Variants in FARP2 observed in about 807,000 individuals in gnomAD.
The protein encoded by FARP2 is FERM, ARH/RhoGEF and pleckstrin domain protein 2.
A neutral mutation model predicts 130.5 loss-of-function variants in FARP2; 111 were observed. That is an observed-to-expected ratio of 0.85 (90% confidence interval 0.73 to 1.00). The LOEUF (loss-of-function observed/expected upper bound fraction) is 1.00, where lower values mean the gene tolerates loss of function less well. Among genes scored for constraint, FARP2 ranks in the 50% least tolerant of loss-of-function variants. The probability of loss-of-function intolerance (pLI) is 0.00; values close to 1 mark genes in which losing one functional copy is unlikely to be tolerated. For missense variants in FARP2, 1,385 were observed against 1,346.3 expected (o/e 1.03, Z -0.45); for synonymous variants, 504 against 516.9 (o/e 0.98, Z 0.34).
intron 7 of FARP2, among the ~76,000 whole-genome samples, chr2:241,416,863 T>G (rs1056300194): frequency 2.0e-5 from 3 of 151,976 alleles, no homozygotes; most frequent in Admixed American, 1.3e-4. Context: ...GAGCCAAGAT[T>G]ATGCCACTAC....
At chr2:241,371,976 C>T (rs1388919436) in intron 1 of FARP2, among the ~76,000 whole-genome samples, 2 of 151,844 alleles carry the variant, frequency 1.3e-5, no homozygotes, top group Admixed American at 6.6e-5. Flanking sequence ...TTGTGTGTCC[C>T]GTGCCATCAT....
At chr2:241,365,764 TAC>T (rs2061289549) in intron 1 of FARP2, among the ~76,000 whole-genome samples, 1 of 152,178 alleles carries the variant, frequency 6.6e-6, no homozygotes, top group Non-Finnish European at 1.5e-5. Flanking sequence ...TGTCTTGATT[TAC>T]AGTTAAGACC....
intron 8 of FARP2, among the ~76,000 whole-genome samples, chr2:241,430,623 C>T (rs1203007474): frequency 6.6e-6 from 1 of 152,148 alleles, no homozygotes; most frequent in Non-Finnish European, 1.5e-5. Flanking sequence ...TATCACTGCC[C>T]CTTCCAGACC....
intron 14 of FARP2, among the ~76,000 whole-genome samples, chr2:241,457,335 A>G (rs2063877389): frequency 6.6e-6 from 1 of 151,554 alleles, no homozygotes; most frequent in Non-Finnish European, 1.5e-5. Context: ...CTACTTTGAC[A>G]ATTGAGTAAC....
chr2:241,493,750 C>A (rs1465268623), intron 26 of FARP2: 2 of 469,004 alleles, frequency 4.3e-6, no homozygotes, highest in African/African-American at 2.0e-5. Context: ...ATGCACGCCA[C>A]GCCGCCTGGC....
intron 3 of FARP2, among the ~76,000 whole-genome samples, chr2:241,404,444 CA>C (rs2062278382): frequency 6.6e-6 from 1 of 152,150 alleles, no homozygotes; most frequent in African/African-American, 2.4e-5. Context: ...CTCTTTTTTG[CA>C]GAAGCCCGCT....
intron 12 of FARP2, among the ~76,000 whole-genome samples, chr2:241,436,860 C>T (rs1348156895): frequency 6.6e-6 from 1 of 152,106 alleles, no homozygotes; most frequent in Non-Finnish European, 1.5e-5. Context: ...TGGTGGCGCA[C>T]GGGTAGTCTC....
At chr2:241,466,310 G>A in intron 17 of FARP2, 7 of 985,420 alleles carry the variant, frequency 7.1e-6, no homozygotes, top group Non-Finnish European at 8.4e-6. Flanking sequence ...TGGAAAGAGG[G>A]GCCCTTGGCC....
At chr2:241,463,527 T>G in intron 16 of FARP2, 59 bp downstream of exon 16, 1 of 1,560,196 alleles carries the variant, frequency 6.4e-7, no homozygotes, top group African/African-American at 1.4e-5. Context: ...ATCACCGCTC[T>G]TAGGAACTTC....
At chr2:241,404,147 C>A (rs2062269678) in intron 3 of FARP2, among the ~76,000 whole-genome samples, 3 of 152,206 alleles carry the variant, frequency 2.0e-5, no homozygotes, top group African/African-American at 7.2e-5. Context: ...GCTGAGGAAA[C>A]TCTCTTAAAA....
chr2:241,442,332 C>G (rs765453232), intron 13 of FARP2: 1 of 456,728 alleles, frequency 2.2e-6, no homozygotes, highest in Admixed American at 2.3e-5. Context: ...TAGAGCAGCT[C>G]AGCTACCCAC....
At chr2:241,457,453 G>A (rs1012407168) in intron 14 of FARP2, among the ~76,000 whole-genome samples, 1 of 130,870 alleles carries the variant, frequency 7.6e-6, no homozygotes, top group African/African-American at 2.8e-5. Flanking sequence ...GGTGCTAAGG[G>A]AGGGTACACT....
chr2:241,476,946 G>C (rs79378453), intron 19 of FARP2, among the ~76,000 whole-genome samples: 3,963 of 152,086 alleles, frequency 0.026, 91 homozygotes, highest in South Asian at 0.082. Flanking sequence ...TCTGGGTGGG[G>C]ATGCTGTTCT....
chr2:241,484,408 C>A, intron 21 of FARP2, 77 bp downstream of exon 21: 1 of 1,176,260 alleles, frequency 8.5e-7, no homozygotes, highest in Non-Finnish European at 1.3e-6. Flanking sequence ...CCTGCAGAGG[C>A]GAATCCTTAC....
Position 241,438,629 on chromosome 2 carries a change from T to TG in FARP2, c.1158+2091_1158+2092insG, listed in dbSNP as rs1259767915. ...CCTTCTTAAACTCTCTGGTTTTTTT[T>TG]TTTTGTTTTTTTTTTTTTGAGACAG... On this transcript the variant is annotated intron_variant, in intron 12 of 26. Transcript: ENST00000264042. 3.3e-4 allele frequency among the ~76,000 whole-genome samples: 50 copies of TG among 149,936 alleles called. 2 individuals carry two copies. The South Asian group carries it at 0.01, about 31-fold the overall frequency.
In FARP2 at chr2:241,431,758, T is replaced by C; in HGVS notation, c.851T>C (p.Leu284Pro). 6.6e-7 allele frequency: 1 copy of C among 1,510,758 alleles called. No individual in the cohort carries two copies. The highest frequency in any genetic ancestry group is 1.4e-5 in the African/African-American group (1 of 72,738). The allele number at this position is 1,510,758 out of a possible 1,614,324, so 93.6% of individuals were successfully genotyped here. Residue 284 changes from leucine to proline, a missense_variant, in exon 9 of 27, where the codon CTT becomes CCT. Transcript: ENST00000264042. ...SFKRKRFLIK[L>P]HPEVHGPYQD... ...AAGAGGAAAAGATTTCTTATCAAACTTCATCCAGAGGTTCATGTAAGTATT... is the reference window on the plus strand; with the variant it reads ...AAGAGGAAAAGATTTCTTATCAAACCTCATCCAGAGGTTCATGTAAGTATT...
intron 2 of FARP2, among the ~76,000 whole-genome samples, chr2:241,393,894 T>C (rs760641103): frequency 6.6e-6 from 1 of 152,216 alleles, no homozygotes; most frequent in African/African-American, 2.4e-5. Flanking sequence ...ACAAAAAGTT[T>C]TGCTTTTTAA....
At chr2:241,377,704 T>A (rs1047280790) in intron 2 of FARP2, among the ~76,000 whole-genome samples, 3 of 152,254 alleles carry the variant, frequency 2.0e-5, no homozygotes, top group Admixed American at 6.5e-5. Flanking sequence ...GGAAACACTA[T>A]GTGAATACTT....
In FARP2 at chr2:241,453,464, TACA is replaced by T. The variant is rs531689523; in HGVS notation, c.1412-3281_1412-3279del. ...GGTGAAACCCCGTCTCTACTAAAAA[TACA>T]AAAAATTAGCCAGGCATGGTGGTGG... On this transcript the variant is annotated intron_variant, in intron 13 of 26. Transcript: ENST00000264042. Among the ~76,000 whole-genome samples the T allele has an allele frequency of 7.4e-5, 11 of 148,910 alleles. No individual in the cohort carries two copies. In the East Asian group the frequency reaches 1.2e-3, roughly 16 times the overall value.
Sources: allele counts gnomAD v4.1 joint callset (sites outside exome capture counted in the v4.1 genomes callset), GRCh38; gene constraint gnomAD v4.1.1; transcripts MANE v1.5; gene names NCBI Gene and HGNC (gene_info 2026-07-23, HGNC 2026-07-21).